Variants in ATG5 observed in about 807,000 individuals in gnomAD.
ATG5 encodes autophagy related 5, also known as autophagy protein 5.
Under a neutral mutation model 36.5 loss-of-function variants are expected in ATG5, and 14 were observed. That is an observed-to-expected ratio of 0.38 (90% CI 0.25 to 0.60). The LOEUF (loss-of-function observed/expected upper bound fraction) is 0.60, where lower values mean the gene tolerates loss of function less well. Ranked by LOEUF, ATG5 falls within the 20% of genes least tolerant of loss-of-function variation. ATG5 has a pLI of 0.60. For synonymous variants in ATG5, 95 were observed against 101.5 expected, an observed-to-expected ratio of 0.94 and a Z score of 0.38; for missense variants, 195 against 326.7, an observed-to-expected ratio of 0.60 and a Z score of 3.11.
chr6:106,216,758 G>C (rs1046083955), intron 6 of ATG5, among the ~76,000 whole-genome samples: 5 of 152,118 alleles, frequency 3.3e-5, no homozygotes, highest in Non-Finnish European at 5.9e-5. Context: ...AGTGGCTATA[G>C]TCCTAGCTAC....
chr6:106,247,973 T>C (rs1414495644), intron 6 of ATG5, among the ~76,000 whole-genome samples, 177 bp downstream of exon 6: 1 of 152,218 alleles, frequency 6.6e-6, no homozygotes, highest in Non-Finnish European at 1.5e-5. Flanking sequence ...CAAATGCATA[T>C]GAGTCAAATA....
chr6:106,239,845 TCA>T (rs754032478), intron 6 of ATG5, among the ~76,000 whole-genome samples: 3 of 152,196 alleles, frequency 2.0e-5, no homozygotes, highest in Non-Finnish European at 4.4e-5. Context: ...TGTTACAGAA[TCA>T]CACAGTTTCA....
chr6:106,245,473 T>C (rs963548646), intron 6 of ATG5, among the ~76,000 whole-genome samples: 35 of 152,296 alleles, frequency 2.3e-4, no homozygotes, highest in African/African-American at 8.4e-4. Flanking sequence ...TTCTAGTTCT[T>C]CCATTTTTCA....
intron 5 of ATG5, among the ~76,000 whole-genome samples, chr6:106,255,344 A>G (rs1044810030): frequency 1.3e-5 from 2 of 152,234 alleles, no homozygotes; most frequent in Non-Finnish European, 2.9e-5. Flanking sequence ...GAGGTTCACA[A>G]TTGCTACACC....
At position 106,224,054 on chromosome 6, in the gene ATG5, G is replaced by C. The variant is rs898389163; in HGVS notation, c.574-21965C>G. Reference sequence around the variant, plus strand: ...CATCTATATGATATGAAGGGCTGGGGCATATGTGAAGAAATCAAGGAAGAC... The same window carrying C: ...CATCTATATGATATGAAGGGCTGGGCCATATGTGAAGAAATCAAGGAAGAC... On this transcript the variant is annotated intron_variant, in intron 6 of 7. Coordinates refer to ENST00000369076, the MANE Select transcript of ATG5 (RefSeq NM_004849.4). Among the ~76,000 whole-genome samples the C allele has an allele frequency of 3.9e-5, 6 of 152,208 alleles. 1 individual carries two copies. In the South Asian group the frequency reaches 1.2e-3, roughly 31 times the overall value.
chr6:106,243,767 G>A (rs527589573), intron 6 of ATG5, among the ~76,000 whole-genome samples: 1 of 151,822 alleles, frequency 6.6e-6, no homozygotes, highest in Non-Finnish European at 1.5e-5. Flanking sequence ...AGAGGCGGAG[G>A]TTTCAGTGAG....
At chr6:106,212,571 G>A (rs1342445534) in intron 6 of ATG5, among the ~76,000 whole-genome samples, 13 of 152,224 alleles carry the variant, frequency 8.5e-5, no homozygotes, top group South Asian at 2.1e-4. Context: ...CCTGTGAGGC[G>A]GAGGTTGCAG....
intron 6 of ATG5, among the ~76,000 whole-genome samples, chr6:106,227,291 AC>A (rs1360454694): frequency 1.3e-5 from 2 of 152,180 alleles, no homozygotes; most frequent in East Asian, 3.8e-4. Flanking sequence ...TAATCAAAGC[AC>A]TGAAAGAAGT....
chr6:106,306,586 A>T (rs769573619), intron 3 of ATG5, among the ~76,000 whole-genome samples: 7 of 152,214 alleles, frequency 4.6e-5, no homozygotes, highest in Non-Finnish European at 8.8e-5. Context: ...GTCAGTAGTG[A>T]CCCTATTGAG....
chr6:106,211,945 A>C (rs1337970038), intron 6 of ATG5, among the ~76,000 whole-genome samples: 1 of 152,224 alleles, frequency 6.6e-6, no homozygotes, highest in East Asian at 1.9e-4. Context: ...TACATTTATA[A>C]GTAAAATTTA....
chr6:106,317,825 T>C (rs1401361921), intron 1 of ATG5, among the ~76,000 whole-genome samples: 6 of 152,222 alleles, frequency 3.9e-5, no homozygotes, highest in African/African-American at 1.2e-4. Context: ...ATTACATTAA[T>C]AGCTTGCTCT....
chr6:106,232,535 C>T (rs1448329174), intron 6 of ATG5, among the ~76,000 whole-genome samples: 2 of 152,028 alleles, frequency 1.3e-5, no homozygotes, highest in Non-Finnish European at 2.9e-5. Flanking sequence ...AAAGAATGCC[C>T]GTCCTGTTCA....
chr6:106,194,458 T>A (rs573811938), intron 7 of ATG5, among the ~76,000 whole-genome samples: 2 of 152,218 alleles, frequency 1.3e-5, no homozygotes, highest in South Asian at 2.1e-4. Flanking sequence ...TCTTGTCAAC[T>A]AATTCACTTT....
chr6:106,317,998 T>A (rs766136130), intron 1 of ATG5, among the ~76,000 whole-genome samples: 1 of 152,214 alleles, frequency 6.6e-6, no homozygotes, highest in African/African-American at 2.4e-5. Context: ...CTTTTGATGA[T>A]GAAGAGAAAA....
At chr6:106,246,507 T>C (rs1407731046) in intron 6 of ATG5, among the ~76,000 whole-genome samples, 1 of 151,912 alleles carries the variant, frequency 6.6e-6, no homozygotes, top group Non-Finnish European at 1.5e-5. Context: ...ATCTGACAAT[T>C]TTCCCCTAAA....
intron 5 of ATG5, among the ~76,000 whole-genome samples, chr6:106,257,855 G>GA (rs900083356): frequency 3.3e-5 from 5 of 152,120 alleles, no homozygotes; most frequent in Admixed American, 6.6e-5. Context: ...ACAGGAGATA[G>GA]AAAAAACAGC....
intron 2 of ATG5, among the ~76,000 whole-genome samples, chr6:106,315,643 T>A (rs994197275): frequency 1.3e-5 from 2 of 152,178 alleles, no homozygotes; most frequent in Non-Finnish European, 2.9e-5. Context: ...ATATGTTCTT[T>A]AAGCTATAAA....
intron 6 of ATG5, among the ~76,000 whole-genome samples, chr6:106,227,046 T>C (rs756338571): frequency 6.6e-6 from 1 of 151,720 alleles, no homozygotes; most frequent in Non-Finnish European, 1.5e-5. Context: ...TCTGAAAAAA[T>C]AATGGCCCTA....
chr6:106,268,788 A>C (rs1025995209), intron 5 of ATG5, among the ~76,000 whole-genome samples: 3 of 152,076 alleles, frequency 2.0e-5, no homozygotes, highest in East Asian at 1.9e-4. Flanking sequence ...AGAAAACCAA[A>C]CACCACATGT....
Sources: gnomAD v4.1 joint callset for allele counts (sites outside exome capture counted in the v4.1 genomes callset) on GRCh38, gnomAD v4.1.1 for gene constraint, MANE v1.5 for transcripts, NCBI Gene and HGNC (gene_info 2026-07-23, HGNC 2026-07-21) for gene names.